SPTSSA: variants seen among roughly 807,000 people sequenced by gnomAD.
SPTSSA encodes serine palmitoyltransferase small subunit A, also known as small subunit of serine palmitoyltransferase A.
SPTSSA carries 8 observed loss-of-function variants against 9.1 expected under a neutral mutation model. The ratio of observed to expected loss-of-function variants is 0.88; its 90% CI spans 0.51 to 1.58. The LOEUF (loss-of-function observed/expected upper bound fraction) is 1.58, where lower values mean the gene tolerates loss of function less well. Among genes scored for constraint, SPTSSA ranks in the 40% most tolerant of loss-of-function variants. SPTSSA has a pLI of 0.00. For missense variants in SPTSSA, 100 were observed against 93.8 expected (o/e 1.07, Z -0.27); for synonymous variants, 42 against 37.7 (o/e 1.11, Z -0.41).
intron 1 of SPTSSA, among the ~76,000 whole-genome samples, chr14:34,455,021 A>T (rs1362966582): frequency 6.6e-6 from 1 of 151,530 alleles, no homozygotes; most frequent in Non-Finnish European, 1.5e-5. Flanking sequence ...CAGGAGGCGG[A>T]GGCTACAGTG....
At chr14:34,439,316 C>A (rs368078694) in intron 1 of SPTSSA, among the ~76,000 whole-genome samples, 1 of 151,960 alleles carries the variant, frequency 6.6e-6, no homozygotes, top group Non-Finnish European at 1.5e-5. Context: ...CCAACACTCA[C>A]GGAGGCTTGG....
intron 1 of SPTSSA, among the ~76,000 whole-genome samples, chr14:34,448,543 C>T (rs1341103288): frequency 1.3e-5 from 2 of 152,100 alleles, no homozygotes; most frequent in African/African-American, 4.8e-5. Context: ...TGTAACTTTA[C>T]TTCATCCTCT....
rs1420019768 is a variant in SPTSSA, at chr14:34,433,228, A to G, written c.*1973T>C. 3.3e-5 allele frequency: 5 copies of G among 152,198 alleles called. No homozygotes were observed. Among genetic ancestry groups the G allele is most frequent in the Non-Finnish European group, 7.3e-5 (5 of 68,042 alleles). 9.4% of individuals were successfully genotyped at this position (152,198 alleles called of 1,614,324 possible). On this transcript the variant is annotated 3_prime_UTR_variant, in exon 2 of 2. Transcript: ENST00000298130. The stretch of plus-strand genomic sequence containing the variant: ...AGTGTTCATAATAACCATCAGTTAT[A>G]CAACAGCAATTTAATGAATCTCAGA...
chr14:34,444,375 A>G (rs8005278), intron 1 of SPTSSA, among the ~76,000 whole-genome samples: 16,521 of 151,322 alleles, frequency 0.11, 2,016 homozygotes, highest in African/African-American at 0.3. Context: ...AGGGACATGT[A>G]GCATTGGCCA....
chr14:34,455,704 A>G (rs999022365), intron 1 of SPTSSA, among the ~76,000 whole-genome samples: 2 of 148,078 alleles, frequency 1.4e-5, no homozygotes, highest in Admixed American at 1.4e-4. Context: ...AGCTGAGGGG[A>G]GAGGATCACG....
At chr14:34,444,845 AAC>A (rs1883392933) in intron 1 of SPTSSA, among the ~76,000 whole-genome samples, 1 of 152,122 alleles carries the variant, frequency 6.6e-6, no homozygotes, top group Admixed American at 6.5e-5. Context: ...CTGTAATCCC[AAC>A]ACTTTGAGAG....
chr14:34,442,435 G>A (rs1045259179), intron 1 of SPTSSA, among the ~76,000 whole-genome samples: 12 of 152,140 alleles, frequency 7.9e-5, no homozygotes, highest in South Asian at 2.1e-4. Context: ...ATGTGGCACC[G>A]GTGCCCACCT....
intron 1 of SPTSSA, among the ~76,000 whole-genome samples, chr14:34,460,360 A>C (rs1878591251): frequency 6.6e-6 from 1 of 152,158 alleles, no homozygotes; most frequent in South Asian, 2.1e-4. Context: ...TTGAAAAAAA[A>C]ATTGAAACTA....
At chr14:34,444,745 C>T (rs1883390946) in intron 1 of SPTSSA, among the ~76,000 whole-genome samples, 1 of 140,576 alleles carries the variant, frequency 7.1e-6, no homozygotes, top group Non-Finnish European at 1.5e-5. Context: ...GGGCAAGACT[C>T]TGCCTCAAAA....
At chr14:34,461,235 T>A (rs1359998191) in intron 1 of SPTSSA, among the ~76,000 whole-genome samples, 1 of 152,170 alleles carries the variant, frequency 6.6e-6, no homozygotes, top group African/African-American at 2.4e-5. Context: ...AAGAATATCA[T>A]CAAAGGATGT....
intron 1 of SPTSSA, among the ~76,000 whole-genome samples, chr14:34,447,725 T>C (rs1883446656): frequency 6.6e-6 from 1 of 152,218 alleles, no homozygotes; most frequent in South Asian, 2.1e-4. Flanking sequence ...ACGGGGTTGT[T>C]TGTGCTAAGA....
chr14:34,453,995 C>A (rs1883569567), intron 1 of SPTSSA, among the ~76,000 whole-genome samples: 1 of 151,994 alleles, frequency 6.6e-6, no homozygotes, highest in African/African-American at 2.4e-5. Flanking sequence ...ACCTAGGCAA[C>A]CTAGTGAGAC....
intron 1 of SPTSSA, among the ~76,000 whole-genome samples, chr14:34,455,590 T>C (rs932590483): frequency 6.6e-6 from 1 of 152,008 alleles, no homozygotes; most frequent in Non-Finnish European, 1.5e-5. Flanking sequence ...TTAAAATTCA[T>C]ATTTTCCAAA....
At chr14:34,452,010 G>A (rs1035825183) in intron 1 of SPTSSA, among the ~76,000 whole-genome samples, 12 of 151,776 alleles carry the variant, frequency 7.9e-5, no homozygotes, top group Non-Finnish European at 1.2e-4. Context: ...AGTGCCTAGC[G>A]TGGTGGCTCA....
chr14:34,442,677 T>C (rs139298426), intron 1 of SPTSSA, among the ~76,000 whole-genome samples: 1,910 of 152,368 alleles, frequency 0.013, 19 homozygotes, highest in Non-Finnish European at 0.017. Flanking sequence ...GTTACATGTA[T>C]GCAGGTCTTT....
At chr14:34,455,043 C>T (rs568039770) in intron 1 of SPTSSA, among the ~76,000 whole-genome samples, 46 of 150,970 alleles carry the variant, frequency 3.0e-4, no homozygotes, top group Admixed American at 9.3e-4. Flanking sequence ...CCCAAGATTG[C>T]GCCACTGCAC....
intron 1 of SPTSSA, among the ~76,000 whole-genome samples, chr14:34,446,581 AAAAAT>A (rs1382150895): frequency 6.6e-6 from 1 of 152,244 alleles, no homozygotes; most frequent in African/African-American, 2.4e-5. Context: ...ATAATCAGTC[AAAAAT>A]AAAACACTGG....
intron 1 of SPTSSA, among the ~76,000 whole-genome samples, chr14:34,446,493 G>A (rs1883424535): frequency 6.6e-6 from 1 of 152,150 alleles, no homozygotes; most frequent in African/African-American, 2.4e-5. Flanking sequence ...CCTTCTACCT[G>A]GGTAATCTTA....
rs1175814732 is a variant in SPTSSA, at chr14:34,435,040, CA to C, written c.*160del. 1 of 499,282 alleles carries C rather than the reference CA, an allele frequency of 2.0e-6. No individual in the cohort carries two copies. The highest frequency in any genetic ancestry group is 3.6e-6 in the Non-Finnish European group (1 of 277,064). 30.9% of individuals were successfully genotyped at this position (499,282 alleles called of 1,614,324 possible). On this transcript the variant is annotated 3_prime_UTR_variant, in exon 2 of 2. Coordinates refer to ENST00000298130, the MANE Select transcript of SPTSSA (RefSeq NM_138288.4). ...AAAATTAAAAATAAAGAACACAACACATGAGTCAGGATGATTTTCCTGTTCT... is the reference window on the plus strand; with the variant it reads ...AAAATTAAAAATAAAGAACACAACACTGAGTCAGGATGATTTTCCTGTTCT...
Sources: allele counts gnomAD v4.1 joint callset (sites outside exome capture counted in the v4.1 genomes callset), GRCh38; gene constraint gnomAD v4.1.1; transcripts MANE v1.5; gene names NCBI Gene and HGNC (gene_info 2026-07-23, HGNC 2026-07-21).